Variants in GAD2 observed in about 807,000 individuals in gnomAD.
GAD2 encodes the protein glutamate decarboxylase 2.
A neutral mutation model predicts 80.1 loss-of-function variants in GAD2; 22 were observed. The ratio of observed to expected loss-of-function variants is 0.27; its 90% CI spans 0.20 to 0.39. The LOEUF is 0.39. Ranked by LOEUF, GAD2 falls within the 10% of genes least tolerant of loss-of-function variation. The pLI is 1.00. For synonymous variants in GAD2, 274 were observed against 256.9 expected (o/e 1.07, Z -0.64); for missense variants, 624 against 738.4 (o/e 0.85, Z 1.80).
chr10:26,285,050 A>G (rs1453629152), intron 12 of GAD2, among the ~76,000 whole-genome samples: 1 of 152,228 alleles, frequency 6.6e-6, no homozygotes, highest in Non-Finnish European at 1.5e-5. Flanking sequence ...CATGAAACCA[A>G]ATAAAAGTGA....
rs1411219792 is a variant in GAD2, at chr10:26,219,225, G to A, written c.469G>A (p.Glu157Lys). 6.2e-7 allele frequency: 1 copy of A among 1,613,738 alleles called. No individual in the cohort carries two copies. Among genetic ancestry groups the A allele is most frequent in the South Asian group, 1.1e-5 (1 of 90,960 alleles). The change falls in exon 4 of 16, where the codon GAG (glutamate) becomes AAG (lysine). Residue 157 changes from glutamate (E) to lysine (K), a missense_variant. Coordinates refer to ENST00000376261, the MANE Select transcript of GAD2 (RefSeq NM_001134366.2). Reference protein sequence around the residue: ...WELADQPQNLEEILMHCQTTL... With the variant: ...WELADQPQNLKEILMHCQTTL... ...ATTGGCAGACCAACCACAAAATTTG[G>A]AGGAAATTTTGATGCATTGCCAAAC... is the stretch of plus-strand genomic sequence containing the variant.
rs772975057 is a variant in GAD2, at chr10:26,217,585, T to C, written c.77-25T>C. On this transcript the variant is annotated intron_variant, in intron 1 of 15. Transcript: ENST00000376261. The surrounding 1 kb of genome is among the most constrained non-coding windows in gnomAD (Gnocchi z 4.9). ...CTGTTGTTCTCTTTCTGCCTCGCTG[T>C]CTGCCTGCCTATTCTTCCTTGCAGC... 2.5e-6 allele frequency: 4 copies of C among 1,605,664 alleles called. No homozygotes were observed. The East Asian group carries it at 6.7e-5, about 27-fold the overall frequency.
At chr10:26,248,415 G>A (rs916972970) in intron 8 of GAD2, among the ~76,000 whole-genome samples, 1 of 152,210 alleles carries the variant, frequency 6.6e-6, no homozygotes, top group African/African-American at 2.4e-5. Flanking sequence ...GGTGGTCAGA[G>A]TTCAGACCTC....
intron 12 of GAD2, among the ~76,000 whole-genome samples, chr10:26,282,069 A>C (rs1845278390): frequency 6.6e-6 from 1 of 151,968 alleles, no homozygotes; most frequent in Non-Finnish European, 1.5e-5. Flanking sequence ...CAGCCTCCCA[A>C]GTAGCTGGGA....
chr10:26,255,869 G>A (rs1332496172), intron 8 of GAD2, among the ~76,000 whole-genome samples: 2 of 151,912 alleles, frequency 1.3e-5, no homozygotes, highest in Non-Finnish European at 2.9e-5. Context: ...AGAAAGCAAC[G>A]GGAGAGTGAT....
rs1589148016 is a variant in GAD2 at position 26,265,229 on chromosome 10, G to A, written c.921-3890G>A. On this transcript the variant is annotated intron_variant, in intron 8 of 15. Transcript: ENST00000376261. ...ACTTTTTTTTTTTTTTTTTTAGACG[G>A]AGTCTCACTCTGTCGCCAGGCTGGA... Among the ~76,000 whole-genome samples the A allele has an allele frequency of 2.1e-5, 3 of 144,696 alleles. 1 individual carries two copies. Among genetic ancestry groups the A allele is most frequent in the South Asian group, 4.4e-4 (2 of 4,580 alleles). The allele number at this position is 144,696 out of a possible 152,430, so 94.9% of individuals were successfully genotyped here. A position where few individuals can be genotyped will look rare whatever the true frequency, so the allele number is the denominator to read the frequency against.
chr10:26,283,180 A>G (rs1189742995), intron 12 of GAD2, among the ~76,000 whole-genome samples: 1 of 152,244 alleles, frequency 6.6e-6, no homozygotes, highest in Admixed American at 6.5e-5. Flanking sequence ...GATAGAGCCT[A>G]TGGCTTGGTA....
At chr10:26,282,957 C>T (rs1170933892) in intron 12 of GAD2, among the ~76,000 whole-genome samples, 2 of 152,198 alleles carry the variant, frequency 1.3e-5, no homozygotes, top group Non-Finnish European at 2.9e-5. Flanking sequence ...TCTGCCCCAG[C>T]TCATGCAGGG....
chr10:26,270,714 C>G lies in GAD2; in HGVS notation c.1050C>G (p.Val350=). The change falls in exon 10 of 16, where the codon GTC becomes GTG. Residue 350 remains valine (V), a synonymous_variant. Transcript: ENST00000376261. ...GAGCATTTGACCCCCTCTTAGCTGT[C>G]GCTGACATTTGCAAAAAGTATAAGA... ...VYGAFDPLLA[V]ADICKKYKIW... 6.2e-7 allele frequency: 1 copy of G among 1,614,036 alleles called. No homozygotes were observed.
At chr10:26,218,672 G>A (rs1160770321) in intron 3 of GAD2, among the ~76,000 whole-genome samples, 1 of 151,890 alleles carries the variant, frequency 6.6e-6, no homozygotes, top group Admixed American at 6.6e-5. Context: ...AGGCATTCGA[G>A]ACAAACACTT....
intron 8 of GAD2, among the ~76,000 whole-genome samples, chr10:26,263,052 G>A (rs2132299887): frequency 6.6e-6 from 1 of 152,244 alleles, no homozygotes; most frequent in East Asian, 1.9e-4. Context: ...CATGATTGGA[G>A]TCTCAGTTGC....
intron 4 of GAD2, among the ~76,000 whole-genome samples, chr10:26,220,926 A>G (rs1844445493): frequency 6.6e-6 from 1 of 152,254 alleles, no homozygotes; most frequent in African/African-American, 2.4e-5. Flanking sequence ...ACATTTTGCC[A>G]TAATGCTTAT....
At chr10:26,248,159 A>G (rs1479558510) in intron 8 of GAD2, among the ~76,000 whole-genome samples, 1 of 152,192 alleles carries the variant, frequency 6.6e-6, no homozygotes, top group Admixed American at 6.5e-5. Context: ...ATTTCAGGAA[A>G]GCAGAAGTTA....
intron 7 of GAD2, among the ~76,000 whole-genome samples, chr10:26,231,926 T>C (rs775028743): frequency 1.3e-5 from 2 of 152,174 alleles, no homozygotes; most frequent in Non-Finnish European, 2.9e-5. Context: ...TTGGATCTAC[T>C]CAGATAATCC....
Position 26,218,028 on chromosome 10 carries a change from C to T in GAD2, c.286+37C>T, listed in dbSNP as rs1428817465. On this transcript the variant is annotated intron_variant, in intron 3 of 15. Coordinates refer to ENST00000376261, the MANE Select transcript of GAD2 (RefSeq NM_001134366.2). ...GCGGGGAGCCCCGGGGCGCCCCTGC[C>T]CCTCTCTCTGCCCCGCCCACCGCGG... The T allele has an allele frequency of 3.2e-6, 5 of 1,560,884 alleles. No individual in the cohort carries two copies. The East Asian group carries it at 9.2e-5, about 29-fold the overall frequency.
At chr10:26,238,323 G>A (rs1458430574) in intron 7 of GAD2, among the ~76,000 whole-genome samples, 2 of 152,164 alleles carry the variant, frequency 1.3e-5, no homozygotes, top group African/African-American at 2.4e-5. Context: ...ATAGAAGCAG[G>A]TGTCAAACCC....
chr10:26,237,110 G>A lies in GAD2; in HGVS notation c.840+7333G>A, dbSNP rs181752277. On this transcript the variant is annotated intron_variant, in intron 7 of 15. Coordinates refer to ENST00000376261, the MANE Select transcript of GAD2 (RefSeq NM_001134366.2). ...AGGCGCCAGGCGTTGCTTCTGGCAC[G>A]GGGGAGAGAGCAGTGGGCAGAACAC... is the stretch of plus-strand genomic sequence containing the variant. Among the ~76,000 whole-genome samples, 688 of 152,210 alleles carry A rather than the reference G, an allele frequency of 4.5e-3. 6 individuals carry two copies. The highest frequency in any genetic ancestry group is 0.014 in the Middle Eastern group (4 of 294).
At chr10:26,282,343 A>G (rs1227870562) in intron 12 of GAD2, among the ~76,000 whole-genome samples, 1 of 152,210 alleles carries the variant, frequency 6.6e-6, no homozygotes, top group Non-Finnish European at 1.5e-5. Flanking sequence ...AAATATAAAT[A>G]AATTTAGAGT....
chr10:26,220,010 G>A (rs1052080358), intron 4 of GAD2, among the ~76,000 whole-genome samples: 1 of 152,288 alleles, frequency 6.6e-6, no homozygotes, highest in Non-Finnish European at 1.5e-5. Context: ...TTTCACAGGA[G>A]TCTTTATATT....
Sources: gnomAD v4.1 joint callset for allele counts (sites outside exome capture counted in the v4.1 genomes callset) on GRCh38, gnomAD v4.1.1 for gene constraint, Gnocchi (gnomAD v3.1) non-coding constraint, MANE v1.5 for transcripts, NCBI Gene and HGNC (gene_info 2026-07-23, HGNC 2026-07-21) for gene names.